The following SEZ6L variants were observed in gnomAD, a reference collection of about 807,000 sequenced individuals.
SEZ6L encodes the protein seizure related 6 homolog like.
SEZ6L carries 37 observed loss-of-function variants against 106.2 expected under a neutral mutation model. The ratio of observed to expected loss-of-function variants is 0.35; its 90% CI spans 0.27 to 0.46. The LOEUF (loss-of-function observed/expected upper bound fraction) is 0.46. Among genes scored for constraint, SEZ6L ranks in the 20% least tolerant of loss-of-function variants. The probability of loss-of-function intolerance (pLI) is 1.00; values close to 1 mark genes in which losing one functional copy is unlikely to be tolerated. For missense variants in SEZ6L, 1,172 were observed against 1,332.8 expected (o/e 0.88, Z 1.88); for synonymous variants, 541 against 570.4 (o/e 0.95, Z 0.73).
At position 26,292,826 on chromosome 22, in the gene SEZ6L, C is replaced by T. The variant is rs2081177960; in HGVS notation, c.515C>T (p.Pro172Leu). The change falls in exon 2 of 17, where the codon CCC becomes CTC. Residue 172 changes from proline to leucine, a missense_variant. By Grantham distance (98) the Pro-to-Leu change is moderately conservative. This residue lies in a region of SEZ6L where 494 missense variants were observed against 445.8 expected (regional missense o/e 1.11). Coordinates refer to ENST00000248933, the MANE Select transcript of SEZ6L (RefSeq NM_021115.5). ...CCTGGCCCACCGGGGGACCCGGACC[C>T]CATCGTGGCCTCCGAGGAGGCATCA... Reference protein sequence around the residue: ...EKPGPPGDPDPIVASEEASEV... With the variant: ...EKPGPPGDPDLIVASEEASEV... 6.2e-7 allele frequency: 1 copy of T among 1,614,010 alleles called. No individual in the cohort carries two copies. Among genetic ancestry groups the T allele is most frequent in the South Asian group, 1.1e-5 (1 of 91,052 alleles).
chr22:26,172,101 A>G (rs1938661845), intron 1 of SEZ6L, among the ~76,000 whole-genome samples: 1 of 152,158 alleles, frequency 6.6e-6, no homozygotes, highest in African/African-American at 2.4e-5. Context: ...TTATTGTCTC[A>G]GATATGCACA....
intron 8 of SEZ6L, among the ~76,000 whole-genome samples, chr22:26,313,023 A>C (rs974034777): frequency 6.6e-6 from 1 of 152,234 alleles, no homozygotes. Context: ...ATTGATCCCT[A>C]TATTAAATGT....
intron 12 of SEZ6L, among the ~76,000 whole-genome samples, chr22:26,351,978 G>A (rs993995441): frequency 6.6e-6 from 1 of 152,014 alleles, no homozygotes; most frequent in Non-Finnish European, 1.5e-5. Context: ...GGGCAACATG[G>A]CGAAACCCTG....
At chr22:26,361,375 C>T (rs999021275) in intron 12 of SEZ6L, among the ~76,000 whole-genome samples, 4 of 148,302 alleles carry the variant, frequency 2.7e-5, no homozygotes, top group East Asian at 2.0e-4. Flanking sequence ...GGCTTGGTGG[C>T]GCATGCCTGT....
chr22:26,233,834 C>G (rs184601205), intron 1 of SEZ6L, among the ~76,000 whole-genome samples: 85 of 152,142 alleles, frequency 5.6e-4, no homozygotes, highest in Non-Finnish European at 1.5e-4. Flanking sequence ...GAAAGGTAGT[C>G]CCCCATAGAA....
chr22:26,347,609 C>CATT (rs2083051509), intron 10 of SEZ6L, 110 bp from the exon 11 acceptor site: 2 of 884,672 alleles, frequency 2.3e-6, no homozygotes, highest in Middle Eastern at 2.7e-4. Context: ...GCGTGTTGCT[C>CATT]ATTTCTAGAG....
intron 1 of SEZ6L, among the ~76,000 whole-genome samples, chr22:26,246,271 G>T (rs962011854): frequency 6.6e-6 from 1 of 152,168 alleles, no homozygotes; most frequent in Non-Finnish European, 1.5e-5. Flanking sequence ...CTCTCCTGTT[G>T]TAGAAAGACA....
At chr22:26,304,422 AAG>A (rs2081570309) in intron 5 of SEZ6L, among the ~76,000 whole-genome samples, 1 of 150,448 alleles carries the variant, frequency 6.6e-6, no homozygotes, top group Admixed American at 6.6e-5. Flanking sequence ...GAAAGAAAGA[AAG>A]AAAGAAAAAG....
intron 11 of SEZ6L, 120 bp downstream of exon 11, chr22:26,348,033 C>A: frequency 4.1e-6 from 3 of 732,286 alleles, no homozygotes; most frequent in Non-Finnish European, 6.4e-6. Context: ...CCTCCACCAC[C>A]AATTCACGAG....
At chr22:26,339,205 C>T (rs1486630752) in intron 9 of SEZ6L, among the ~76,000 whole-genome samples, 1 of 152,068 alleles carries the variant, frequency 6.6e-6, no homozygotes, top group African/African-American at 2.4e-5. Flanking sequence ...TGTGACCCTT[C>T]TGAGCTCAGC....
chr22:26,324,995 T>A (rs1476987973), intron 9 of SEZ6L, among the ~76,000 whole-genome samples: 1 of 152,100 alleles, frequency 6.6e-6, no homozygotes, highest in African/African-American at 2.4e-5. Context: ...CTTCATGTAT[T>A]TGGGGATGGG....
rs1483852373 is a variant in SEZ6L, at chr22:26,350,921, G to A, written c.2408-131G>A. On this transcript the variant is annotated intron_variant, in intron 11 of 16. Transcript: ENST00000248933. ...TCCACCCGCCTCGGCCTCCCAAATT[G>A]CTGGGACTACAGGCGTGAGCCACCG... 3.7e-6 allele frequency: 3 copies of A among 804,422 alleles called. No individual in the cohort carries two copies. The East Asian group carries it at 8.6e-5, about 23-fold the overall frequency. 49.8% of individuals were successfully genotyped at this position (804,422 alleles called of 1,614,324 possible). A position where few individuals can be genotyped will look rare whatever the true frequency, so the allele number is the denominator to read the frequency against.
In SEZ6L at chr22:26,354,378, C is replaced by T. The variant is rs568424618; in HGVS notation, c.2599+3135C>T. Among the ~76,000 whole-genome samples the T allele has an allele frequency of 1.9e-4, 29 of 152,188 alleles. 1 individual carries two copies. Among genetic ancestry groups the T allele is most frequent in the Middle Eastern group, 3.4e-3 (1 of 294 alleles). ...TGATGCAGCTGCAAGCCAGGGAGCA[C>T]GAAGGAAGGACCCCCCCCAACCGCC... On this transcript the variant is annotated intron_variant, in intron 12 of 16. Transcript: ENST00000248933.
At chr22:26,223,640 T>TTCC (rs2078550118) in intron 1 of SEZ6L, among the ~76,000 whole-genome samples, 2 of 152,190 alleles carry the variant, frequency 1.3e-5, no homozygotes. Flanking sequence ...GGAACTCAGT[T>TTCC]TCCTCCTCCA....
chr22:26,214,892 T>C (rs2078256410), intron 1 of SEZ6L, among the ~76,000 whole-genome samples: 1 of 152,026 alleles, frequency 6.6e-6, no homozygotes, highest in Non-Finnish European at 1.5e-5. Flanking sequence ...TAGAAACATA[T>C]AAATGACTAC....
Position 26,311,876 on chromosome 22 carries a change from G to T in SEZ6L, c.1790G>T (p.Gly597Val). The T allele has an allele frequency of 6.2e-7, 1 of 1,614,154 alleles. No individual in the cohort carries two copies. Among genetic ancestry groups the T allele is most frequent in the Non-Finnish European group, 8.5e-7 (1 of 1,180,030 alleles). ...GTIVEFTCDPGHSLEQGPAII... is the reference protein window; with the variant it reads ...GTIVEFTCDPVHSLEQGPAII... ...ATAGTGGAGTTCACCTGCGACCCCG[G>T]CCACTCCCTGGAGCAGGGCCCGGCC... Residue 597 changes from glycine to valine, a missense_variant, in exon 8 of 17, where the codon GGC becomes GTC. Around this residue, in one of 4 missense-constraint regions of SEZ6L, gnomAD observed 534 missense variants for 691.0 expected, o/e 0.77. Coordinates refer to ENST00000248933, the MANE Select transcript of SEZ6L (RefSeq NM_021115.5).
chr22:26,306,101 C>A lies in SEZ6L; in HGVS notation c.1471C>A (p.Leu491Met), dbSNP rs1278898219. 1.2e-6 allele frequency: 2 copies of A among 1,614,162 alleles called. No homozygotes were observed. Among genetic ancestry groups the A allele is most frequent in the East Asian group, 2.2e-5 (1 of 44,882 alleles). Residue 491 changes from leucine (L) to methionine (M), a missense_variant, in exon 6 of 17, where the codon CTG (leucine) becomes ATG (methionine). Leu to Met is a conservative substitution (Grantham distance 15). This residue lies in a region of SEZ6L where 534 missense variants were observed against 691.0 expected (regional missense o/e 0.77). Coordinates refer to ENST00000248933, the MANE Select transcript of SEZ6L (RefSeq NM_021115.5). ...GATTGAAGCTCCAGAGGGCCAGAAGCTGCACCTGCACTTTGAGAGGCTGTT... is the reference window on the plus strand; with the variant it reads ...GATTGAAGCTCCAGAGGGCCAGAAGATGCACCTGCACTTTGAGAGGCTGTT... Reference protein sequence around the residue: ...WTIEAPEGQKLHLHFERLLLH... With the variant: ...WTIEAPEGQKMHLHFERLLLH...
Position 26,308,503 on chromosome 22 carries a change from T to C in SEZ6L, c.1515-2167T>C, listed in dbSNP as rs559422668. ...GACATGAATAAAGATTTTAAGATGA[T>C]TTTCCTCAAAATGAACCCTTTCTAA... is the stretch of plus-strand genomic sequence containing the variant. On this transcript the variant is annotated intron_variant, in intron 6 of 16. Transcript: ENST00000248933. Among the ~76,000 whole-genome samples the C allele has an allele frequency of 4.6e-5, 7 of 152,138 alleles. No homozygotes were observed. The South Asian group carries it at 1.5e-3, about 32-fold the overall frequency.
At chr22:26,310,634 T>C in intron 6 of SEZ6L, 36 bp from the exon 7 acceptor site, 1 of 1,610,304 alleles carries the variant, frequency 6.2e-7, no homozygotes, top group South Asian at 1.1e-5. Context: ...CCCAGGAAGA[T>C]CTGTCAGTGT....
Sources: gnomAD v4.1 joint callset for allele counts (sites outside exome capture counted in the v4.1 genomes callset) on GRCh38, gnomAD v4.1.1 for gene constraint, gnomAD v4.1.1 regional missense constraint, MANE v1.5 for transcripts, NCBI Gene and HGNC (gene_info 2026-07-23, HGNC 2026-07-21) for gene names.